Variants in CTIF observed in about 807,000 individuals in gnomAD.
CTIF encodes the protein CBP80/20-dependent translation initiation factor.
In CTIF, 21 loss-of-function variants were observed where a neutral mutation model predicts 66.0. The ratio of observed to expected loss-of-function variants is 0.32; its 90% CI spans 0.23 to 0.46. CTIF has a LOEUF of 0.46. Ranked by LOEUF, CTIF falls within the 20% of genes least tolerant of loss-of-function variation. The pLI is 1.00. For missense variants in CTIF, 739 were observed against 812.7 expected (o/e 0.91, Z 1.10); for synonymous variants, 345 against 326.4 (o/e 1.06, Z -0.62).
chr18:48,790,993 C>T (rs180702745), intron 9 of CTIF, among the ~76,000 whole-genome samples: 9 of 152,356 alleles, frequency 5.9e-5, no homozygotes, highest in African/African-American at 1.9e-4. Context: ...ACTCCATCTT[C>T]TCAGGAGAGT....
intron 1 of CTIF, among the ~76,000 whole-genome samples, chr18:48,564,012 C>T (rs1196996995): frequency 6.6e-6 from 1 of 152,148 alleles, no homozygotes; most frequent in African/African-American, 2.4e-5. Context: ...GATTTTTGAT[C>T]TGGGGGAAAG....
chr18:48,697,589 TAAAGATCA>T (rs1439546638), intron 6 of CTIF, among the ~76,000 whole-genome samples: 13 of 152,180 alleles, frequency 8.5e-5, no homozygotes, highest in Non-Finnish European at 1.8e-4. Context: ...AGATGGTCCT[TAAAGATCA>T]GTGGCTGACC....
chr18:48,628,206 G>T (rs183574632), intron 2 of CTIF, among the ~76,000 whole-genome samples: 1 of 152,184 alleles, frequency 6.6e-6, no homozygotes, highest in East Asian at 1.9e-4. Flanking sequence ...CAAGAGTCCC[G>T]TTTGGGCATG....
In CTIF at chr18:48,748,360, GGGAGGGAGGGAA is replaced by G. The variant is rs904063877; in HGVS notation, c.585-9547_585-9536del. On this transcript the variant is annotated intron_variant, in intron 7 of 11. Coordinates refer to ENST00000256413, the MANE Select transcript of CTIF (RefSeq NM_014772.3). ...GAGTACCATGGTGACTTGGGATGAAGGGAGGGAGGGAAGGAGGGAGGGATAATGATGGTGCTA... is the reference window on the plus strand; with the variant it reads ...GAGTACCATGGTGACTTGGGATGAAGGGAGGGAGGGATAATGATGGTGCTA... 3.3e-5 allele frequency among the ~76,000 whole-genome samples: 5 copies of G among 152,192 alleles called. No individual in the cohort carries two copies. In the East Asian group the frequency reaches 5.8e-4, roughly 18 times the overall value.
chr18:48,574,847 G>C (rs2089495213), intron 1 of CTIF, among the ~76,000 whole-genome samples: 2 of 152,170 alleles, frequency 1.3e-5, no homozygotes, highest in Non-Finnish European at 2.9e-5. Flanking sequence ...AGCTCTTGAG[G>C]TAGGTGACTT....
chr18:48,649,615 G>T (rs1277175518), intron 3 of CTIF, among the ~76,000 whole-genome samples: 1 of 152,208 alleles, frequency 6.6e-6, no homozygotes, highest in Non-Finnish European at 1.5e-5. Flanking sequence ...TCCCAGCATG[G>T]TGTTTGAGCT....
intron 1 of CTIF, among the ~76,000 whole-genome samples, chr18:48,576,278 A>G (rs1004580921): frequency 1.3e-5 from 2 of 152,234 alleles, no homozygotes; most frequent in African/African-American, 4.8e-5. Context: ...AGGGAGGAAC[A>G]CTCAGTGTCG....
At chr18:48,642,690 T>A (rs1329761945) in intron 3 of CTIF, among the ~76,000 whole-genome samples, 1 of 152,198 alleles carries the variant, frequency 6.6e-6, no homozygotes, top group Non-Finnish European at 1.5e-5. Flanking sequence ...CCTGTATCAG[T>A]CAGGATAGCC....
intron 9 of CTIF, among the ~76,000 whole-genome samples, chr18:48,774,282 A>G (rs956434820): frequency 2.0e-5 from 3 of 152,120 alleles, no homozygotes; most frequent in Non-Finnish European, 4.4e-5. Context: ...CAGAAGCAGA[A>G]CCATGGGCAC....
intron 3 of CTIF, among the ~76,000 whole-genome samples, chr18:48,647,271 G>A (rs1475216782): frequency 6.6e-6 from 1 of 152,214 alleles, no homozygotes; most frequent in African/African-American, 2.4e-5. Flanking sequence ...ACGGGGAAGA[G>A]GTTTGTGGTT....
rs924966504 is a variant in CTIF at position 48,857,620 on chromosome 18, T to C, written c.1560T>C (p.Ala520=). ...LLQSQDVKED[A]VLCCSMELQS... ...AATCTCAGGATGTGAAGGAAGATGC[T>C]GTCCTTTGCTGCTCTATGGAGGTAA... is the stretch of plus-strand genomic sequence containing the variant. The change falls in exon 11 of 12, where the codon GCT becomes GCC. Residue 520 remains alanine (A), a synonymous_variant. Transcript: ENST00000256413. The C allele has an allele frequency of 5.0e-6, 8 of 1,608,514 alleles. No individual in the cohort carries two copies. The Admixed American group carries it at 5.1e-5, about 10-fold the overall frequency.
At chr18:48,785,847 G>A (rs565480658) in intron 9 of CTIF, among the ~76,000 whole-genome samples, 4 of 152,182 alleles carry the variant, frequency 2.6e-5, no homozygotes, top group Non-Finnish European at 5.9e-5. Context: ...CATCTTATGG[G>A]TAGGACCCCC....
At chr18:48,823,428 C>G (rs978236594) in intron 10 of CTIF, among the ~76,000 whole-genome samples, 5 of 152,134 alleles carry the variant, frequency 3.3e-5, no homozygotes, top group African/African-American at 1.2e-4. Flanking sequence ...TGTCTTTTCC[C>G]CATTGTGTGT....
chr18:48,806,353 G>A (rs2068147107), intron 9 of CTIF, among the ~76,000 whole-genome samples: 1 of 152,110 alleles, frequency 6.6e-6, no homozygotes, highest in Admixed American at 6.5e-5. Flanking sequence ...CATGTATCCA[G>A]CTTCTCAAGG....
intron 1 of CTIF, among the ~76,000 whole-genome samples, chr18:48,602,491 T>C (rs2090107803): frequency 6.6e-6 from 1 of 152,260 alleles, no homozygotes; most frequent in African/African-American, 2.4e-5. Context: ...ATTGACAGCA[T>C]ATTTTCTCTG....
At chr18:48,690,294 T>A (rs1360711559) in intron 6 of CTIF, among the ~76,000 whole-genome samples, 1 of 152,180 alleles carries the variant, frequency 6.6e-6, no homozygotes, top group Non-Finnish European at 1.5e-5. Context: ...TTGGCTGTTG[T>A]GACAGCCCCT....
At chr18:48,720,384 A>G (rs543140102) in intron 7 of CTIF, among the ~76,000 whole-genome samples, 290 of 152,242 alleles carry the variant, frequency 1.9e-3, no homozygotes, top group Middle Eastern at 3.4e-3. Flanking sequence ...GCCCTCGCAG[A>G]CAGCTCAGCC....
intron 9 of CTIF, among the ~76,000 whole-genome samples, chr18:48,773,727 G>A (rs1335781392): frequency 2.6e-5 from 4 of 152,190 alleles, no homozygotes; most frequent in African/African-American, 9.7e-5. Flanking sequence ...TCCGCACAGG[G>A]TGCCCCACCC....
At chr18:48,681,637 GCTT>G (rs1253076047) in intron 6 of CTIF, among the ~76,000 whole-genome samples, 1 of 152,112 alleles carries the variant, frequency 6.6e-6, no homozygotes, top group Non-Finnish European at 1.5e-5. Flanking sequence ...GGCACCCCCG[GCTT>G]CTTTCCTGTG....
Sources: gnomAD v4.1 joint callset for allele counts (sites outside exome capture counted in the v4.1 genomes callset) on GRCh38, gnomAD v4.1.1 for gene constraint, MANE v1.5 for transcripts, NCBI Gene and HGNC (gene_info 2026-07-23, HGNC 2026-07-21) for gene names.